NRXN1: variants seen among roughly 807,000 people sequenced by gnomAD.
NRXN1 encodes neurexin 1.
In NRXN1, 39 loss-of-function variants were observed where a neutral mutation model predicts 150.9. That is an observed-to-expected ratio of 0.26 (90% CI 0.20 to 0.34). The LOEUF (loss-of-function observed/expected upper bound fraction) is 0.34. Among genes scored for constraint, NRXN1 ranks in the 10% least tolerant of loss-of-function variants. NRXN1 has a pLI of 1.00. For synonymous variants in NRXN1, 924 were observed against 757.0 expected, an observed-to-expected ratio of 1.22 and a Z score of -3.62; for missense variants, 1,815 against 1,949.9, an observed-to-expected ratio of 0.93 and a Z score of 1.30.
intron 5 of NRXN1, among the ~76,000 whole-genome samples, chr2:50,920,490 A>T (rs1685856460): frequency 6.6e-6 from 1 of 151,802 alleles, no homozygotes; most frequent in Non-Finnish European, 1.5e-5. Context: ...GTATTTATAC[A>T]TGCATCCATA....
intron 17 of NRXN1, among the ~76,000 whole-genome samples, chr2:50,442,698 A>G (rs1056462864): frequency 1.3e-5 from 2 of 152,158 alleles, no homozygotes; most frequent in African/African-American, 2.4e-5. Flanking sequence ...ATTTAAGGGC[A>G]TGAGAATGGA....
At chr2:50,322,568 A>T (rs898277193) in intron 17 of NRXN1, among the ~76,000 whole-genome samples, 1 of 152,220 alleles carries the variant, frequency 6.6e-6, no homozygotes, top group South Asian at 2.1e-4. Context: ...TCTCTAATCT[A>T]TCACTAGATT....
At chr2:49,953,002 T>C (rs1674252185) in intron 21 of NRXN1, among the ~76,000 whole-genome samples, 1 of 151,940 alleles carries the variant, frequency 6.6e-6, no homozygotes, top group Non-Finnish European at 1.5e-5. Flanking sequence ...GAAGTGAAGG[T>C]TCAAGATCAA....
chr2:49,936,817 T>TACAC (rs58323578), intron 22 of NRXN1, among the ~76,000 whole-genome samples: 54 of 148,594 alleles, frequency 3.6e-4, no homozygotes, highest in Admixed American at 1.3e-3. Context: ...AAAACATATG[T>TACAC]ACACACACAC....
At chr2:50,522,898 G>GTT (rs3052535) in intron 12 of NRXN1, among the ~76,000 whole-genome samples, 129,110 of 150,186 alleles carry the variant, frequency 0.86, 55,748 homozygotes, top group African/African-American at 0.91. Flanking sequence ...TGCCCTGCTA[G>GTT]TTTTTTTGTA....
At chr2:50,567,308 T>C (rs1404253416) in intron 8 of NRXN1, among the ~76,000 whole-genome samples, 1 of 152,138 alleles carries the variant, frequency 6.6e-6, no homozygotes, top group East Asian at 1.9e-4. Flanking sequence ...GATTTGATGA[T>C]TACAGCCTCC....
chr2:50,908,308 G>T (rs1307912643), intron 5 of NRXN1, among the ~76,000 whole-genome samples: 1 of 151,370 alleles, frequency 6.6e-6, no homozygotes, highest in Non-Finnish European at 1.5e-5. Flanking sequence ...TAAAAGTTCA[G>T]TATGAATTGA....
At chr2:50,530,527 T>C (rs1296622090) in intron 11 of NRXN1, among the ~76,000 whole-genome samples, 2 of 152,194 alleles carry the variant, frequency 1.3e-5, no homozygotes, top group Non-Finnish European at 2.9e-5. Flanking sequence ...TTCCCCATAA[T>C]TCATCTAGAT....
At chr2:50,112,664 C>T (rs368254301) in intron 18 of NRXN1, among the ~76,000 whole-genome samples, 96 of 152,222 alleles carry the variant, frequency 6.3e-4, no homozygotes, top group African/African-American at 2.3e-3. Flanking sequence ...CAGTGTAAGA[C>T]TCAGAGTCAA....
At chr2:50,556,520 TA>T (rs1477312134) in intron 8 of NRXN1, among the ~76,000 whole-genome samples, 6 of 148,980 alleles carry the variant, frequency 4.0e-5, no homozygotes, top group African/African-American at 1.2e-4. Context: ...TTTTTTTTTT[TA>T]AAGAGTGATT....
intron 5 of NRXN1, among the ~76,000 whole-genome samples, chr2:50,650,057 G>A (rs1367356785): frequency 6.6e-6 from 1 of 151,952 alleles, no homozygotes. Context: ...AATGCTCTTA[G>A]CCCTGAAGAA....
chr2:50,588,273 G>T (rs1673498748), intron 8 of NRXN1, among the ~76,000 whole-genome samples: 1 of 152,012 alleles, frequency 6.6e-6, no homozygotes, highest in Non-Finnish European at 1.5e-5. Flanking sequence ...GGCTCCCTAT[G>T]GCAATACTGT....
At chr2:50,373,624 A>C (rs1040692035) in intron 17 of NRXN1, among the ~76,000 whole-genome samples, 1 of 124,230 alleles carries the variant, frequency 8.0e-6, no homozygotes, top group Admixed American at 9.0e-5. Context: ...AGAGAGAGAA[A>C]GAAAAGAAAG....
chr2:50,656,420 T>C (rs759261594), intron 5 of NRXN1: 2 of 774,382 alleles, frequency 2.6e-6, no homozygotes, highest in Admixed American at 3.4e-5. Flanking sequence ...CAAATAGGAG[T>C]TTATAAAGTT....
At chr2:50,773,256 T>C (rs1467895540) in intron 5 of NRXN1, among the ~76,000 whole-genome samples, 1 of 152,170 alleles carries the variant, frequency 6.6e-6, no homozygotes, top group Non-Finnish European at 1.5e-5. Context: ...ATTCTATTTA[T>C]TCAACTCCTT....
At chr2:50,069,852 T>TC (rs1695942970) in intron 19 of NRXN1, among the ~76,000 whole-genome samples, 1 of 61,140 alleles carries the variant, frequency 1.6e-5, no homozygotes, top group South Asian at 4.8e-4. Flanking sequence ...TGGGGGTTTT[T>TC]TTTTTTTTTT....
chr2:50,302,060 A>T (rs906883295), intron 17 of NRXN1, among the ~76,000 whole-genome samples: 1 of 152,172 alleles, frequency 6.6e-6, no homozygotes, highest in African/African-American at 2.4e-5. Flanking sequence ...TTTTTAAAAA[A>T]TTTCTTTTAA....
chr2:49,958,768 T>C (rs1482341042), intron 21 of NRXN1, among the ~76,000 whole-genome samples: 1 of 152,188 alleles, frequency 6.6e-6, no homozygotes, highest in Non-Finnish European at 1.5e-5. Context: ...CCCAAGTTGC[T>C]CGTTTACTTT....
At chr2:50,118,942 A>C (rs1249464045) in intron 18 of NRXN1, among the ~76,000 whole-genome samples, 1 of 150,442 alleles carries the variant, frequency 6.6e-6, no homozygotes, top group African/African-American at 2.4e-5. Flanking sequence ...AATTCTGTGC[A>C]TCTCAAAAGG....
Sources: gnomAD v4.1 joint callset for allele counts (sites outside exome capture counted in the v4.1 genomes callset) on GRCh38, gnomAD v4.1.1 for gene constraint, MANE v1.5 for transcripts, NCBI Gene and HGNC (gene_info 2026-07-23, HGNC 2026-07-21) for gene names.